RAD51B: variants seen among roughly 807,000 people sequenced by gnomAD.
The protein encoded by RAD51B is DNA repair protein RAD51 homolog 2.
RAD51B carries 38 observed loss-of-function variants against 42.2 expected under a neutral mutation model. The ratio of observed to expected loss-of-function variants is 0.90; its 90% CI spans 0.70 to 1.18. RAD51B has a LOEUF of 1.18. Ranked by LOEUF, RAD51B falls within the 50% of genes most tolerant of loss-of-function variation. The pLI is 0.00. For missense variants in RAD51B, 373 were observed against 400.7 expected, an observed-to-expected ratio of 0.93 and a Z score of 0.59; for synonymous variants, 154 against 145.2, an observed-to-expected ratio of 1.06 and a Z score of -0.43.
At chr14:68,384,769 A>G (rs938597826) in intron 8 of RAD51B, among the ~76,000 whole-genome samples, 4 of 152,330 alleles carry the variant, frequency 2.6e-5, no homozygotes, top group South Asian at 2.1e-4. Flanking sequence ...ATATGGAATT[A>G]TATCTTAAAT....
At chr14:68,190,359 G>C (rs746464306) in intron 7 of RAD51B, among the ~76,000 whole-genome samples, 14 of 152,046 alleles carry the variant, frequency 9.2e-5, no homozygotes, top group Non-Finnish European at 1.6e-4. Flanking sequence ...ATTTTAAATT[G>C]TTCTTTGAAA....
At chr14:68,513,680 A>G (rs950807732) in intron 10 of RAD51B, among the ~76,000 whole-genome samples, 8 of 152,194 alleles carry the variant, frequency 5.3e-5, no homozygotes, top group African/African-American at 1.9e-4. Flanking sequence ...AAAGGGGGAA[A>G]CACATGGATT....
chr14:68,050,021 C>T (rs1014385742), intron 7 of RAD51B, among the ~76,000 whole-genome samples: 2 of 152,162 alleles, frequency 1.3e-5, no homozygotes, highest in African/African-American at 4.8e-5. Context: ...AAAATCCTTA[C>T]TTTACAATTT....
At chr14:68,495,035 C>A (rs1436691616) in intron 10 of RAD51B, among the ~76,000 whole-genome samples, 2 of 152,176 alleles carry the variant, frequency 1.3e-5, no homozygotes, top group Non-Finnish European at 2.9e-5. Context: ...TGTCAGCATT[C>A]TCTGCAAGGT....
chr14:68,619,476 A>AG, intron 10 of RAD51B, among the ~76,000 whole-genome samples: 2 of 148,720 alleles, frequency 1.3e-5, no homozygotes, highest in African/African-American at 2.4e-5. Flanking sequence ...AAAAAAAGAA[A>AG]AAAAAAAGTT....
chr14:68,352,340 C>T (rs1339541825), intron 8 of RAD51B, among the ~76,000 whole-genome samples: 4 of 152,188 alleles, frequency 2.6e-5, no homozygotes, highest in Non-Finnish European at 4.4e-5. Context: ...AGGTCTGATG[C>T]CTCCTATGGA....
At chr14:68,452,640 A>C (rs963020308) in intron 9 of RAD51B, among the ~76,000 whole-genome samples, 1 of 152,184 alleles carries the variant, frequency 6.6e-6, no homozygotes, top group Non-Finnish European at 1.5e-5. Context: ...TTTAGCCTTT[A>C]AAATGGGGCA....
intron 7 of RAD51B, among the ~76,000 whole-genome samples, chr14:67,913,763 G>A (rs1362656487): frequency 6.6e-6 from 1 of 152,182 alleles, no homozygotes; most frequent in South Asian, 2.1e-4. Context: ...TAGGGTATCT[G>A]TCACCTCAAG....
intron 10 of RAD51B, among the ~76,000 whole-genome samples, chr14:68,644,451 C>T (rs1248314518): frequency 1.3e-5 from 2 of 152,228 alleles, no homozygotes; most frequent in Admixed American, 1.3e-4. Context: ...CTGAGGCACA[C>T]AGGACTTGGT....
chr14:68,040,599 A>T, intron 7 of RAD51B, among the ~76,000 whole-genome samples: 1 of 152,258 alleles, frequency 6.6e-6, no homozygotes, highest in Middle Eastern at 3.2e-3. Flanking sequence ...GCATTAAGTT[A>T]AATTGTCTTG....
At chr14:68,277,998 C>T (rs1347215384) in intron 7 of RAD51B, among the ~76,000 whole-genome samples, 1 of 152,220 alleles carries the variant, frequency 6.6e-6, no homozygotes, top group African/African-American at 2.4e-5. Context: ...CCGTCTTGGC[C>T]TCCCAAAATG....
chr14:68,420,872 C>T (rs550969691), intron 9 of RAD51B, among the ~76,000 whole-genome samples: 2 of 152,316 alleles, frequency 1.3e-5, no homozygotes, highest in East Asian at 3.9e-4. Context: ...GGTTCAAATG[C>T]CTCTGACAGT....
intron 1 of RAD51B, among the ~76,000 whole-genome samples, chr14:67,820,243 C>T (rs1445753033): frequency 6.6e-6 from 1 of 152,090 alleles, no homozygotes; most frequent in East Asian, 1.9e-4. Flanking sequence ...GAGTCCGGTC[C>T]CTGGATTCGA....
intron 9 of RAD51B, among the ~76,000 whole-genome samples, chr14:68,447,721 C>G (rs1018163300): frequency 3.9e-5 from 6 of 152,034 alleles, no homozygotes; most frequent in Non-Finnish European, 7.4e-5. Flanking sequence ...GTTAGCCATT[C>G]TATCCATGAC....
At chr14:67,929,981 T>A (rs2044668456) in intron 7 of RAD51B, among the ~76,000 whole-genome samples, 1 of 152,150 alleles carries the variant, frequency 6.6e-6, no homozygotes, top group South Asian at 2.1e-4. Flanking sequence ...TTTGACTTAA[T>A]GTCTGTTTTA....
intron 7 of RAD51B, among the ~76,000 whole-genome samples, chr14:68,015,137 C>A (rs753455868): frequency 3.3e-5 from 5 of 152,196 alleles, no homozygotes; most frequent in African/African-American, 4.8e-5. Flanking sequence ...GTAGAAATGG[C>A]ATCTACTTCA....
At chr14:68,063,449 A>G (rs964297215) in intron 7 of RAD51B, among the ~76,000 whole-genome samples, 3 of 151,970 alleles carry the variant, frequency 2.0e-5, no homozygotes, top group Non-Finnish European at 4.4e-5. Flanking sequence ...TTAAAAGTGT[A>G]TGGGGGCTGG....
intron 7 of RAD51B, among the ~76,000 whole-genome samples, chr14:68,045,260 A>G (rs1481333291): frequency 2.0e-5 from 3 of 150,696 alleles, no homozygotes; most frequent in South Asian, 2.1e-4. Flanking sequence ...AAAAAAAAAA[A>G]AAAGAAAAGA....
chr14:68,446,448 A>C (rs1358655417), intron 9 of RAD51B, among the ~76,000 whole-genome samples: 1 of 152,108 alleles, frequency 6.6e-6, no homozygotes, highest in East Asian at 1.9e-4. Flanking sequence ...AATTTTTTTC[A>C]GCCTATGTTG....
Sources: allele counts gnomAD v4.1 joint callset (sites outside exome capture counted in the v4.1 genomes callset), GRCh38; gene constraint gnomAD v4.1.1; transcripts MANE v1.5; gene names NCBI Gene and HGNC (gene_info 2026-07-23, HGNC 2026-07-21).